The following PLA2G4A variants were observed in gnomAD, a reference collection of about 807,000 sequenced individuals.
PLA2G4A encodes phospholipase A2 group IVA, also known as cytosolic phospholipase A2.
PLA2G4A carries 40 observed loss-of-function variants against 81.9 expected under a neutral mutation model. The ratio of observed to expected loss-of-function variants is 0.49; its 90% CI spans 0.38 to 0.64. The LOEUF is 0.64. Among genes scored for constraint, PLA2G4A ranks in the 30% least tolerant of loss-of-function variants. PLA2G4A has a pLI of 0.00. For missense variants in PLA2G4A, 715 were observed against 905.1 expected (o/e 0.79, Z 2.69); for synonymous variants, 302 against 296.9 (o/e 1.02, Z -0.18).
intron 14 of PLA2G4A, among the ~76,000 whole-genome samples, chr1:186,962,335 G>C (rs1418222223): frequency 6.6e-6 from 1 of 151,910 alleles, no homozygotes; most frequent in Non-Finnish European, 1.5e-5. Context: ...GGGTCTTGTG[G>C]CATATCCCCC....
At chr1:186,906,591 C>G (rs1262137385) in intron 5 of PLA2G4A, among the ~76,000 whole-genome samples, 2 of 152,160 alleles carry the variant, frequency 1.3e-5, no homozygotes, top group Non-Finnish European at 2.9e-5. Flanking sequence ...GATTTTGTGG[C>G]CTGAGGCAGC....
intron 1 of PLA2G4A, among the ~76,000 whole-genome samples, chr1:186,837,974 G>A (rs1651849604): frequency 6.6e-6 from 1 of 152,014 alleles, no homozygotes; most frequent in Non-Finnish European, 1.5e-5. Context: ...TTTGATGGTG[G>A]GAAGATGAGA....
chr1:186,943,863 G>A (rs965753897), intron 10 of PLA2G4A, among the ~76,000 whole-genome samples: 1 of 152,282 alleles, frequency 6.6e-6, no homozygotes, highest in East Asian at 1.9e-4. Flanking sequence ...GATGATAATG[G>A]AAATAGTTAA....
intron 2 of PLA2G4A, among the ~76,000 whole-genome samples, chr1:186,865,293 C>T (rs2102049374): frequency 6.6e-6 from 1 of 151,844 alleles, no homozygotes; most frequent in Non-Finnish European, 1.5e-5. Context: ...ACATGGCCAA[C>T]CCATGTCTGA....
chr1:186,957,579 C>A (rs1656798539), intron 14 of PLA2G4A, among the ~76,000 whole-genome samples: 2 of 152,334 alleles, frequency 1.3e-5, no homozygotes, highest in African/African-American at 4.8e-5. Flanking sequence ...ACATTCTTAG[C>A]CTGACTCCCT....
intron 2 of PLA2G4A, among the ~76,000 whole-genome samples, chr1:186,857,426 A>G (rs1476804085): frequency 7.7e-6 from 1 of 130,608 alleles, no homozygotes; most frequent in Non-Finnish European, 1.6e-5. Context: ...TGTATAATAT[A>G]TACTATATAA....
chr1:186,875,717 GA>G (rs1653470395), intron 3 of PLA2G4A, among the ~76,000 whole-genome samples: 1 of 152,012 alleles, frequency 6.6e-6, no homozygotes, highest in Non-Finnish European at 1.5e-5. Context: ...ATCCATCTAA[GA>G]ACCCAGGCAG....
In PLA2G4A at chr1:186,829,021, C is replaced by T. The variant is rs187379728; in HGVS notation, c.-84C>T. The T allele has an allele frequency of 6.6e-6, 1 of 152,210 alleles. No individual in the cohort carries two copies. The highest frequency in any genetic ancestry group is 1.9e-4 in the East Asian group (1 of 5,168). 9.4% of individuals were successfully genotyped at this position (152,210 alleles called of 1,614,324 possible). ...ACTGAAAGCTAGAGGCATTGAGGAG[C>T]CTGAAGATTCTCAGGTAACTCTGGG... On this transcript the variant is annotated 5_prime_UTR_variant, in exon 1 of 18. Transcript: ENST00000367466.
chr1:186,847,808 G>A (rs973991153), intron 1 of PLA2G4A, among the ~76,000 whole-genome samples: 2 of 151,982 alleles, frequency 1.3e-5, no homozygotes, highest in African/African-American at 4.8e-5. Flanking sequence ...CAAGAGAGGG[G>A]CTTTAAAGAG....
At chr1:186,830,953 GCTTGCTTTCTTTCTTTCTTTCTTTCTTT>G (rs1250313099) in intron 1 of PLA2G4A, among the ~76,000 whole-genome samples, 17 of 47,280 alleles carry the variant, frequency 3.6e-4, no homozygotes, top group African/African-American at 9.1e-4. Flanking sequence ...TTGCTTGCTT[GCTTGCTTTCTTTCTTTCTTTCTTTCTTT>G]CTTTCTTTCT....
chr1:186,932,756 G>T lies in PLA2G4A; in HGVS notation c.559-7G>T, dbSNP rs754632483. ...TGTGTACAAATCTCTCTGTTGCATC[G>T]TTTCAGGTGCCTGTGGTAGCCATAT... On this transcript the variant is annotated splice_region_variant and splice_polypyrimidine_tract_variant and intron_variant, in intron 7 of 17. Coordinates refer to ENST00000367466, the MANE Select transcript of PLA2G4A (RefSeq NM_024420.3). The T allele has an allele frequency of 6.2e-7, 1 of 1,613,050 alleles. No homozygotes were observed. The highest frequency in any genetic ancestry group is 8.5e-7 in the Non-Finnish European group (1 of 1,179,282).
At chr1:186,873,033 G>A (rs1218159555) in intron 3 of PLA2G4A, among the ~76,000 whole-genome samples, 2 of 151,982 alleles carry the variant, frequency 1.3e-5, no homozygotes, top group African/African-American at 4.8e-5. Flanking sequence ...TGTGTGGGGA[G>A]GGAGTTGTTG....
chr1:186,985,482 A>G (rs1571472210), intron 17 of PLA2G4A, among the ~76,000 whole-genome samples: 1 of 152,202 alleles, frequency 6.6e-6, no homozygotes, highest in African/African-American at 2.4e-5. Flanking sequence ...ATGTTCTCCT[A>G]TATTTGTAAT....
chr1:186,923,765 T>G (rs1362432453), intron 7 of PLA2G4A, among the ~76,000 whole-genome samples: 8 of 152,260 alleles, frequency 5.3e-5, no homozygotes, highest in Non-Finnish European at 1.2e-4. Flanking sequence ...AAGTCATGAC[T>G]GTCAACTTTA....
chr1:186,912,732 A>ATATATATACATATATATGTATATT lies in PLA2G4A; in HGVS notation c.558+1366_558+1367insTTATATATACATATATATGTATAT, dbSNP rs547462117. On this transcript the variant is annotated intron_variant, in intron 7 of 17. Coordinates refer to ENST00000367466, the MANE Select transcript of PLA2G4A (RefSeq NM_024420.3). ...CATATATATGTATATTTATATATAC[A>ATATATATACATATATATGTATATT]TATATATACATATATATGTATATAT... Among the ~76,000 whole-genome samples, 1,349 of 144,366 alleles carry ATATATATACATATATATGTATATT rather than the reference A, an allele frequency of 9.3e-3. 24 individuals are homozygous for ATATATATACATATATATGTATATT. The highest frequency in any genetic ancestry group is 0.031 in the African/African-American group (1,211 of 38,726). 94.7% of individuals were successfully genotyped at this position (144,366 alleles called of 152,430 possible).
At chr1:186,917,994 C>T (rs907153475) in intron 7 of PLA2G4A, among the ~76,000 whole-genome samples, 1 of 152,192 alleles carries the variant, frequency 6.6e-6, no homozygotes, top group African/African-American at 2.4e-5. Context: ...TGGTTTCGTG[C>T]ATGGCCAATA....
intron 2 of PLA2G4A, among the ~76,000 whole-genome samples, chr1:186,857,035 A>C (rs1192390512): frequency 1.2e-5 from 1 of 82,722 alleles, no homozygotes; most frequent in Non-Finnish European, 2.6e-5. Flanking sequence ...ACTGACTGCC[A>C]TGCAGCCCCC....
At chr1:186,967,125 A>G (rs1295674977) in intron 15 of PLA2G4A, among the ~76,000 whole-genome samples, 1 of 152,192 alleles carries the variant, frequency 6.6e-6, no homozygotes, top group Non-Finnish European at 1.5e-5. Flanking sequence ...CTCTGACAGC[A>G]TATCTGTTTT....
At chr1:186,950,556 G>C in intron 12 of PLA2G4A, 101 bp from the exon 13 acceptor site, 2 of 686,738 alleles carry the variant, frequency 2.9e-6, no homozygotes, top group Non-Finnish European at 5.4e-6. Context: ...AGAGCTAGTA[G>C]ATCTCACTCT....
Sources: gnomAD v4.1 joint callset for allele counts (sites outside exome capture counted in the v4.1 genomes callset) on GRCh38, gnomAD v4.1.1 for gene constraint, MANE v1.5 for transcripts, NCBI Gene and HGNC (gene_info 2026-07-23, HGNC 2026-07-21) for gene names.